The following NOMO1 variants were observed in gnomAD, a reference collection of about 807,000 sequenced individuals.
The protein encoded by NOMO1 is NODAL modulator 1.
Under a neutral mutation model 133.8 loss-of-function variants are expected in NOMO1, and 40 were observed. That is an observed-to-expected ratio of 0.30 (90% CI 0.23 to 0.39). The LOEUF (loss-of-function observed/expected upper bound fraction) is 0.39, where lower values mean the gene tolerates loss of function less well. Among genes scored for constraint, NOMO1 ranks in the 10% least tolerant of loss-of-function variants. The pLI, the probability that NOMO1 is intolerant of heterozygous loss-of-function variation, is 1.00. For missense variants in NOMO1, 462 were observed against 1,419.9 expected (o/e 0.33, Z 10.84); for synonymous variants, 236 against 570.5 (o/e 0.41, Z 8.36).
rs1397338978 is a variant in NOMO1 at position 14,846,579 on chromosome 16, C to G, written c.405C>G (p.Val135=). 9 of 1,009,476 alleles carry G rather than the reference C, an allele frequency of 8.9e-6. No individual in the cohort carries two copies. Among genetic ancestry groups the G allele is most frequent in the Non-Finnish European group, 1.3e-5 (9 of 690,170 alleles). 62.5% of individuals were successfully genotyped at this position (1,009,476 alleles called of 1,614,324 possible). ...CCTAACTTTCTTCTCCATGGCAGGT[C>G]CTCAGCAAAGGGCAGCCCCTGGGTC... ...VFTGFSVNGK[V]LSKGQPLGPA... Residue 135 remains valine, a splice_region_variant and synonymous_variant, in exon 5 of 31, where the codon GTC becomes GTG. Coordinates refer to ENST00000287667, the MANE Select transcript of NOMO1 (RefSeq NM_014287.4).
chr16:14,881,356 T>C (rs568172724), intron 24 of NOMO1, among the ~76,000 whole-genome samples, 188 bp from the exon 25 acceptor site: 1 of 152,138 alleles, frequency 6.6e-6, no homozygotes, highest in African/African-American at 2.4e-5. Flanking sequence ...AAGAAATTGA[T>C]GGCAGCTTAT....
intron 9 of NOMO1, 53 bp from the exon 10 acceptor site, chr16:14,857,164 G>C: frequency 6.2e-7 from 1 of 1,612,532 alleles, no homozygotes; most frequent in Admixed American, 1.7e-5. Context: ...AGTCTTTGTG[G>C]CTCTGGCACA....
intron 11 of NOMO1, among the ~76,000 whole-genome samples, chr16:14,861,020 AG>A (rs1397435320): frequency 7.1e-6 from 1 of 140,650 alleles, no homozygotes; most frequent in African/African-American, 2.7e-5. Flanking sequence ...ATTTTTTAGT[AG>A]AGATGTGGTT....
In NOMO1 at chr16:14,856,697, C is replaced by G. The variant is rs531408066; in HGVS notation, c.964-520C>G. On this transcript the variant is annotated intron_variant, in intron 9 of 30. Transcript: ENST00000287667. Reference sequence around the variant, plus strand: ...AAAGTGCTGGGATTACAGGCGTGAACCACTGCGCCTGGCCTAGGTGGATTT... The same window carrying G: ...AAAGTGCTGGGATTACAGGCGTGAAGCACTGCGCCTGGCCTAGGTGGATTT... Among the ~76,000 whole-genome samples the G allele has an allele frequency of 8.5e-5, 13 of 152,072 alleles. 1 individual carries two copies. In the East Asian group the frequency reaches 2.5e-3, roughly 29 times the overall value.
intron 27 of NOMO1, 31 bp from the exon 28 acceptor site, chr16:14,886,730 A>G: frequency 6.2e-7 from 1 of 1,610,744 alleles, no homozygotes; most frequent in East Asian, 2.2e-5. Context: ...TTTCAGTTTC[A>G]AAGCATGTCT....
At position 14,892,350 on chromosome 16, in the gene NOMO1, C is replaced by T. The variant is rs980094779; in HGVS notation, c.3445-2648C>T. Reference sequence around the variant, plus strand: ...TGCTGGGAGAGGCTTCTGTGAAGGCCGTTGATAGCTGCAGGCAGTGACATT... The same window carrying T: ...TGCTGGGAGAGGCTTCTGTGAAGGCTGTTGATAGCTGCAGGCAGTGACATT... On this transcript the variant is annotated intron_variant, in intron 29 of 30. Coordinates refer to ENST00000287667, the MANE Select transcript of NOMO1 (RefSeq NM_014287.4). 2.2e-4 allele frequency among the ~76,000 whole-genome samples: 34 copies of T among 151,792 alleles called. 1 individual carries two copies. The highest frequency in any genetic ancestry group is 6.6e-4 in the Admixed American group (10 of 15,254).
At chr16:14,843,011 G>A (rs1360591685) in intron 3 of NOMO1, among the ~76,000 whole-genome samples, 3 of 140,552 alleles carry the variant, frequency 2.1e-5, no homozygotes, top group South Asian at 2.3e-4. Context: ...ACTTCTGCCC[G>A]GGTTCAAGCA....
Position 14,866,657 on chromosome 16 carries a change from T to G in NOMO1, c.1772T>G (p.Met591Arg). The change falls in exon 15 of 31, where the codon ATG becomes AGG. Residue 591 changes from methionine (M) to arginine (R), a missense_variant. By Grantham distance (91) the Met-to-Arg change is moderately conservative. Transcript: ENST00000287667. ...GTTGAGTTCAGGCAGACGGGCTACA[T>G]GCTGAGATGTTCCCTGTCTCACGCC... ...SAVEFRQTGY[M>R]LRCSLSHAIT... 1 of 1,610,138 alleles carries G rather than the reference T, an allele frequency of 6.2e-7. No homozygotes were observed. Among genetic ancestry groups the G allele is most frequent in the South Asian group, 1.1e-5 (1 of 90,926 alleles).
At chr16:14,873,679 T>C (rs1567545054) in intron 18 of NOMO1, among the ~76,000 whole-genome samples, 1 of 151,768 alleles carries the variant, frequency 6.6e-6, no homozygotes, top group Non-Finnish European at 1.5e-5. Flanking sequence ...TATTACCTCC[T>C]TTCAGCTTGA....
chr16:14,845,162 C>T (rs532153738), intron 4 of NOMO1, among the ~76,000 whole-genome samples: 11 of 151,974 alleles, frequency 7.2e-5, no homozygotes, highest in African/African-American at 2.2e-4. Flanking sequence ...TTCACCCTCC[C>T]GAGTAGCTAG....
At chr16:14,843,411 T>TA (rs1963634559) in intron 3 of NOMO1, among the ~76,000 whole-genome samples, 1 of 151,552 alleles carries the variant, frequency 6.6e-6, no homozygotes, top group African/African-American at 2.4e-5. Context: ...ATAGAGCTGA[T>TA]ACATGCTCAG....
At chr16:14,836,670 A>G (rs1963515547) in intron 1 of NOMO1, among the ~76,000 whole-genome samples, 1 of 150,844 alleles carries the variant, frequency 6.6e-6, no homozygotes, top group Non-Finnish European at 1.5e-5. Flanking sequence ...TTAAATAGTA[A>G]TACAAACTGC....
chr16:14,837,044 G>T (rs1188562874), intron 1 of NOMO1, among the ~76,000 whole-genome samples: 1 of 151,510 alleles, frequency 6.6e-6, no homozygotes, highest in Non-Finnish European at 1.5e-5. Context: ...TTGAGGCAGG[G>T]TCTCACACTG....
At chr16:14,855,969 A>G (rs1331310610) in intron 9 of NOMO1, among the ~76,000 whole-genome samples, 1 of 152,000 alleles carries the variant, frequency 6.6e-6, no homozygotes, top group Non-Finnish European at 1.5e-5. Flanking sequence ...CTAAGAAACC[A>G]TTTGCTGAAA....
At chr16:14,866,739 T>C in intron 15 of NOMO1, 48 bp downstream of exon 15, 1 of 1,609,858 alleles carries the variant, frequency 6.2e-7, no homozygotes, top group Non-Finnish European at 8.5e-7. Flanking sequence ...GCTCGCCTTG[T>C]GGATGTCAAG....
At chr16:14,891,081 T>TC (rs1212658463) in intron 29 of NOMO1, among the ~76,000 whole-genome samples, 1 of 135,034 alleles carries the variant, frequency 7.4e-6, no homozygotes, top group Non-Finnish European at 1.6e-5. Context: ...TACGGCCACT[T>TC]CCCATCCATG....
At chr16:14,876,123 CT>C (rs1251922841) in intron 20 of NOMO1, among the ~76,000 whole-genome samples, 1 of 69,584 alleles carries the variant, frequency 1.4e-5, no homozygotes, top group Non-Finnish European at 3.9e-5. Flanking sequence ...AAAACCCAGC[CT>C]TCAGCGTTTT....
intron 24 of NOMO1, among the ~76,000 whole-genome samples, chr16:14,881,087 A>G (rs930224150): frequency 6.6e-6 from 1 of 152,076 alleles, no homozygotes; most frequent in African/African-American, 2.4e-5. Flanking sequence ...ACATATATAC[A>G]TGTATACACA....
At chr16:14,887,254 A>G (rs1020959184) in intron 28 of NOMO1, among the ~76,000 whole-genome samples, 2 of 151,604 alleles carry the variant, frequency 1.3e-5, no homozygotes, top group African/African-American at 4.8e-5. Context: ...GTGCTTTTCA[A>G]TGAAGAATTT....
Sources: gnomAD v4.1 joint callset for allele counts (sites outside exome capture counted in the v4.1 genomes callset) on GRCh38, gnomAD v4.1.1 for gene constraint, MANE v1.5 for transcripts, NCBI Gene and HGNC (gene_info 2026-07-23, HGNC 2026-07-21) for gene names.